The following TSNARE1 variants were observed in gnomAD, a reference collection of about 807,000 sequenced individuals.
The protein encoded by TSNARE1 is t-SNARE domain containing 1.
TSNARE1 carries 49 observed loss-of-function variants against 62.0 expected under a neutral mutation model. That is an observed-to-expected ratio of 0.79 (90% CI 0.63 to 1.00). The LOEUF (loss-of-function observed/expected upper bound fraction) is 1.00. TSNARE1 is among the 50% of genes least tolerant of loss of function. The pLI is 0.00. For missense variants in TSNARE1, 755 were observed against 700.1 expected, an observed-to-expected ratio of 1.08 and a Z score of -0.88; for synonymous variants, 328 against 294.4, an observed-to-expected ratio of 1.11 and a Z score of -1.17.
intron 12 of TSNARE1, among the ~76,000 whole-genome samples, chr8:142,234,840 C>T (rs1355893323): frequency 1.3e-5 from 2 of 152,032 alleles, no homozygotes; most frequent in Admixed American, 6.5e-5. Flanking sequence ...CCTGGCTCCA[C>T]CTCCTGAAGT....
chr8:142,324,624 A>G (rs1299709172), intron 6 of TSNARE1, among the ~76,000 whole-genome samples: 16 of 152,302 alleles, frequency 1.1e-4, no homozygotes, highest in Non-Finnish European at 1.5e-5. Flanking sequence ...ATTTACTCCC[A>G]TGACCACCTG....
chr8:142,256,385 T>C (rs111206370), intron 12 of TSNARE1, among the ~76,000 whole-genome samples: 62 of 1,226 alleles, frequency 0.051, 1 homozygote, highest in Non-Finnish European at 0.06. Flanking sequence ...ACCATCATCA[T>C]CACCAATACC....
chr8:142,270,206 T>G (rs12675715), intron 12 of TSNARE1: 495,295 of 985,096 alleles, frequency 0.5, 128,260 homozygotes, highest in African/African-American at 0.83. Flanking sequence ...ACTGGAGATG[T>G]GGCAGCCCCG....
intron 1 of TSNARE1, among the ~76,000 whole-genome samples, chr8:142,391,196 CTG>C (rs1427532805): frequency 2.1e-5 from 3 of 145,006 alleles, no homozygotes; most frequent in African/African-American, 7.8e-5. Flanking sequence ...GCTGGGGACT[CTG>C]TAACAGACGC....
Position 142,232,062 on chromosome 8 carries a change from A to G in TSNARE1, c.1447-2483T>C, listed in dbSNP as rs573182715. ...GCTGAGGTCAGGCAGTTCCACTTCCAGGCCTGTGCTCCACATCACTGCCAG... is the reference window on the plus strand; with the variant it reads ...GCTGAGGTCAGGCAGTTCCACTTCCGGGCCTGTGCTCCACATCACTGCCAG... On this transcript the variant is annotated intron_variant, in intron 12 of 13. Transcript: ENST00000524325. Among the ~76,000 whole-genome samples, 68 of 152,360 alleles carry G rather than the reference A, an allele frequency of 4.5e-4. No homozygotes were observed. In the South Asian group the frequency reaches 6.6e-3, roughly 15 times the overall value.
chr8:142,244,985 GA>G (rs888418845), intron 12 of TSNARE1, among the ~76,000 whole-genome samples: 11 of 152,160 alleles, frequency 7.2e-5, no homozygotes, highest in Admixed American at 2.0e-4. Flanking sequence ...CATTACGACG[GA>G]AAAAAACCAA....
chr8:142,255,198 C>G (rs1818363188), intron 12 of TSNARE1, among the ~76,000 whole-genome samples: 1 of 151,974 alleles, frequency 6.6e-6, no homozygotes, highest in Admixed American at 6.6e-5. Context: ...AGACAGAGGT[C>G]ACTTTCTTTA....
At chr8:142,240,569 C>T (rs1329447378) in intron 12 of TSNARE1, among the ~76,000 whole-genome samples, 1 of 152,128 alleles carries the variant, frequency 6.6e-6, no homozygotes, top group Non-Finnish European at 1.5e-5. Context: ...ACAAATGGAA[C>T]ATTTACAGAG....
chr8:142,342,875 G>A (rs1353868595), intron 4 of TSNARE1, among the ~76,000 whole-genome samples: 1 of 150,242 alleles, frequency 6.7e-6, no homozygotes, highest in East Asian at 2.0e-4. Context: ...CCGGACACCT[G>A]TCCCAGCACC....
intron 11 of TSNARE1, chr8:142,276,040 C>T (rs1056979069): frequency 1.0e-6 from 1 of 985,296 alleles, no homozygotes. Flanking sequence ...ATCCTTGAAC[C>T]CTTGGTCACC....
intron 1 of TSNARE1, among the ~76,000 whole-genome samples, chr8:142,395,696 T>C (rs1452740736): frequency 6.6e-6 from 1 of 152,164 alleles, no homozygotes; most frequent in Non-Finnish European, 1.5e-5. Flanking sequence ...TCTCCCCACT[T>C]GCAATTCCGC....
At chr8:142,355,204 G>A (rs1040564624) in intron 1 of TSNARE1, among the ~76,000 whole-genome samples, 2 of 152,226 alleles carry the variant, frequency 1.3e-5, no homozygotes, top group Non-Finnish European at 1.5e-5. Flanking sequence ...GCAGCCTGCC[G>A]GCATCTCTAG....
At chr8:142,256,079 CCACCACCACCACTGTCAG>C (rs1818509285) in intron 12 of TSNARE1, among the ~76,000 whole-genome samples, 1 of 25,460 alleles carries the variant, frequency 3.9e-5, no homozygotes. Context: ...ACCATCACCA[CCACCACCACCACTGTCAG>C]CATCACCACC....
intron 1 of TSNARE1, among the ~76,000 whole-genome samples, chr8:142,360,360 G>A (rs114476836): frequency 0.038 from 5,845 of 152,282 alleles, 393 homozygotes; most frequent in African/African-American, 0.13. Flanking sequence ...ACATGTGGCT[G>A]AGGGCCTGGG....
At chr8:142,396,964 C>A (rs1837934822) in intron 1 of TSNARE1, among the ~76,000 whole-genome samples, 1 of 152,154 alleles carries the variant, frequency 6.6e-6, no homozygotes, top group African/African-American at 2.4e-5. Flanking sequence ...GGCGAGGCAG[C>A]CCGAGGGTCT....
chr8:142,229,747 C>G (rs911322282), intron 12 of TSNARE1, among the ~76,000 whole-genome samples, 168 bp from the exon 13 acceptor site: 1 of 152,158 alleles, frequency 6.6e-6, no homozygotes, highest in African/African-American at 2.4e-5. Context: ...CCTGAGCTAG[C>G]ATGACTGTTT....
chr8:142,256,563 T>TTAC lies in TSNARE1; in HGVS notation c.1446+18217_1446+18218insGTA, dbSNP rs1245622006. On this transcript the variant is annotated intron_variant, in intron 12 of 13. Transcript: ENST00000524325. ...ATCACCACCATCACCATCACCACCA[T>TTAC]CACCATCACCATCATCACCACCATC... is the stretch of plus-strand genomic sequence containing the variant. Among the ~76,000 whole-genome samples, 10 of 78,788 alleles carry TTAC rather than the reference T, an allele frequency of 1.3e-4. No homozygotes were observed. In the East Asian group the frequency reaches 3.9e-3, roughly 30 times the overall value. 51.7% of individuals were successfully genotyped at this position (78,788 alleles called of 152,430 possible). A position where few individuals can be genotyped will look rare whatever the true frequency, so the allele number is the denominator to read the frequency against.
chr8:142,302,061 G>A (rs1825872589), intron 9 of TSNARE1, among the ~76,000 whole-genome samples: 1 of 152,112 alleles, frequency 6.6e-6, no homozygotes, highest in Non-Finnish European at 1.5e-5. Context: ...ATGCTCCTGG[G>A]GCACCGTAAT....
intron 1 of TSNARE1, among the ~76,000 whole-genome samples, chr8:142,401,672 G>A (rs769813429): frequency 3.9e-5 from 6 of 152,154 alleles, no homozygotes; most frequent in African/African-American, 4.8e-5. Context: ...GAGGCTGCCA[G>A]ATGTTCATGG....
Sources: allele counts gnomAD v4.1 joint callset (sites outside exome capture counted in the v4.1 genomes callset), GRCh38; gene constraint gnomAD v4.1.1; transcripts MANE v1.5; gene names NCBI Gene and HGNC (gene_info 2026-07-23, HGNC 2026-07-21).